MAGI3: variants seen among roughly 807,000 people sequenced by gnomAD.
MAGI3 encodes membrane-associated guanylate kinase, WW and PDZ domain-containing protein 3.
In MAGI3, 43 loss-of-function variants were observed where a neutral mutation model predicts 121.8. That is an observed-to-expected ratio of 0.35 (90% CI 0.28 to 0.46). The LOEUF (loss-of-function observed/expected upper bound fraction) is 0.46. Ranked by LOEUF, MAGI3 falls within the 20% of genes least tolerant of loss-of-function variation. The pLI is 1.00. For missense variants in MAGI3, 1,547 were observed against 1,797.3 expected (o/e 0.86, Z 2.52); for synonymous variants, 553 against 639.3 (o/e 0.86, Z 2.04).
chr1:113,504,166 A>T (rs1294134531), intron 1 of MAGI3, among the ~76,000 whole-genome samples: 5 of 152,192 alleles, frequency 3.3e-5, no homozygotes, highest in African/African-American at 1.2e-4. Flanking sequence ...ACCATCTTCT[A>T]GGGGACCCTG....
chr1:113,627,875 T>C (rs1651338904), intron 9 of MAGI3, among the ~76,000 whole-genome samples: 1 of 152,072 alleles, frequency 6.6e-6, no homozygotes, highest in African/African-American at 2.4e-5. Context: ...ATGGAATGTC[T>C]TTTTCCAGTC....
chr1:113,424,828 G>A (rs1299297703), intron 1 of MAGI3, among the ~76,000 whole-genome samples: 1 of 152,136 alleles, frequency 6.6e-6, no homozygotes, highest in Non-Finnish European at 1.5e-5. Context: ...TTCTAGAAGA[G>A]ATTAGCACGT....
At chr1:113,558,148 C>A (rs566849936) in intron 2 of MAGI3, among the ~76,000 whole-genome samples, 58 of 152,258 alleles carry the variant, frequency 3.8e-4, no homozygotes, top group Non-Finnish European at 6.5e-4. Flanking sequence ...AGCTAGGGTA[C>A]CCCCTCTCCT....
intron 12 of MAGI3, among the ~76,000 whole-genome samples, chr1:113,647,921 C>CT (rs748486198): frequency 2.1e-4 from 19 of 89,450 alleles, no homozygotes; most frequent in South Asian, 4.2e-4. Flanking sequence ...ACTGATGACT[C>CT]TTTTTTTTTT....
chr1:113,682,176 TCACATAG>T, intron 20 of MAGI3: 2 of 1,570,954 alleles, frequency 1.3e-6, no homozygotes, highest in Admixed American at 2.0e-5. Context: ...TTTTTTTTTT[TCACATAG>T]TCCTAGGCTT....
Position 113,650,873 on chromosome 1 carries a change from A to T in MAGI3, c.2248-141A>T, listed in dbSNP as rs777576693. On this transcript the variant is annotated intron_variant, in intron 13 of 20. Coordinates refer to ENST00000307546, the MANE Select transcript of MAGI3 (RefSeq NM_001142782.2). ...TTTTGGAGAATGGGCACTTTCTCAGATAATACCTTTCTAAAATATAACTGT... is the reference window on the plus strand; with the variant it reads ...TTTTGGAGAATGGGCACTTTCTCAGTTAATACCTTTCTAAAATATAACTGT... 1,010 of 714,294 alleles carry T rather than the reference A, an allele frequency of 1.4e-3. 5 individuals are homozygous for T. Among genetic ancestry groups the T allele is most frequent in the Non-Finnish European group, 1.9e-3 (843 of 435,664 alleles). The allele number at this position is 714,294 out of a possible 1,614,324, so 44.2% of individuals were successfully genotyped here. A position where few individuals can be genotyped will look rare whatever the true frequency, so the allele number is the denominator to read the frequency against.
chr1:113,601,216 C>A (rs1184678277), intron 6 of MAGI3, among the ~76,000 whole-genome samples: 1 of 151,930 alleles, frequency 6.6e-6, no homozygotes, highest in African/African-American at 2.4e-5. Context: ...CCAAAATTGA[C>A]AAATGGGATC....
chr1:113,395,383 G>T (rs1400500578), intron 1 of MAGI3, among the ~76,000 whole-genome samples: 2 of 151,478 alleles, frequency 1.3e-5, no homozygotes, highest in African/African-American at 4.8e-5. Context: ...TCAAATTTTG[G>T]TAGTTTTTTT....
intron 15 of MAGI3, among the ~76,000 whole-genome samples, chr1:113,657,242 T>C (rs978849541): frequency 6.6e-6 from 1 of 152,240 alleles, no homozygotes; most frequent in Non-Finnish European, 1.5e-5. Context: ...CCTAGCTATG[T>C]GAACTCTAAG....
In MAGI3 at chr1:113,685,327, A is replaced by G. The variant is rs1648479796; in HGVS notation, c.*1313A>G. The G allele has an allele frequency of 6.6e-6, 1 of 152,388 alleles. No individual in the cohort carries two copies. Among genetic ancestry groups the G allele is most frequent in the Admixed American group, 6.5e-5 (1 of 15,294 alleles). 9.4% of individuals were successfully genotyped at this position (152,388 alleles called of 1,614,324 possible). On this transcript the variant is annotated 3_prime_UTR_variant, in exon 21 of 21. Coordinates refer to ENST00000307546, the MANE Select transcript of MAGI3 (RefSeq NM_001142782.2). ...CCTGAAGCAGCATTCAGTAGCATCT[A>G]TATAAATAAAGGCACCTTCTGAGAA... is the stretch of plus-strand genomic sequence containing the variant.
At chr1:113,655,664 G>A (rs1040270199) in intron 15 of MAGI3, among the ~76,000 whole-genome samples, 1 of 152,048 alleles carries the variant, frequency 6.6e-6, no homozygotes, top group African/African-American at 2.4e-5. Flanking sequence ...ATTAAGTGTT[G>A]TGTTTTGTAA....
intron 6 of MAGI3, among the ~76,000 whole-genome samples, chr1:113,600,044 A>G (rs964162191): frequency 6.6e-6 from 1 of 152,204 alleles, no homozygotes; most frequent in East Asian, 1.9e-4. Flanking sequence ...AAAACTCTCA[A>G]TAAATTAGGT....
chr1:113,406,660 C>A (rs1008943250), intron 1 of MAGI3, among the ~76,000 whole-genome samples: 1 of 151,878 alleles, frequency 6.6e-6, no homozygotes, highest in Non-Finnish European at 1.5e-5. Context: ...GGCTTATAGT[C>A]CCAGCTACTC....
chr1:113,673,240 C>T (rs903962513), intron 18 of MAGI3, 82 bp from the exon 19 acceptor site: 1 of 1,463,146 alleles, frequency 6.8e-7, no homozygotes. Context: ...ATCATTTCTT[C>T]CAGCTATAGA....
At chr1:113,600,923 A>G (rs1649332799) in intron 6 of MAGI3, among the ~76,000 whole-genome samples, 1 of 152,182 alleles carries the variant, frequency 6.6e-6, no homozygotes, top group Non-Finnish European at 1.5e-5. Context: ...CCGCCTATCT[A>G]CAACTATCTG....
intron 1 of MAGI3, among the ~76,000 whole-genome samples, chr1:113,419,896 C>T (rs568723392): frequency 1.1e-4 from 17 of 152,242 alleles, no homozygotes; most frequent in African/African-American, 3.9e-4. Flanking sequence ...TGGCTCATGG[C>T]CCCTTCTTCC....
intron 1 of MAGI3, among the ~76,000 whole-genome samples, chr1:113,491,001 C>A (rs1165794821): frequency 6.6e-6 from 1 of 152,094 alleles, no homozygotes; most frequent in African/African-American, 2.4e-5. Context: ...ATATTCAGGA[C>A]CTGAACTCAG....
At position 113,638,670 on chromosome 1, in the gene MAGI3, AG is replaced by A. The variant is rs1284554392; in HGVS notation, c.1361-3237del. On this transcript the variant is annotated intron_variant, in intron 9 of 20. Coordinates refer to ENST00000307546, the MANE Select transcript of MAGI3 (RefSeq NM_001142782.2). ...GGGGTGCCTCCCAGTTAGGCTGCTC[AG>A]GGGTCAGGGGTCAGGGACCCACTTG... is the stretch of plus-strand genomic sequence containing the variant. 5.9e-5 allele frequency among the ~76,000 whole-genome samples: 9 copies of A among 152,284 alleles called. No individual in the cohort carries two copies. The East Asian group carries it at 1.7e-3, about 29-fold the overall frequency.
At chr1:113,491,502 C>T (rs1326510719) in intron 1 of MAGI3, among the ~76,000 whole-genome samples, 2 of 151,974 alleles carry the variant, frequency 1.3e-5, no homozygotes, top group African/African-American at 4.8e-5. Context: ...CCAAAGCTAG[C>T]AGGAAACAAG....
Sources: gnomAD v4.1 joint callset for allele counts (sites outside exome capture counted in the v4.1 genomes callset) on GRCh38, gnomAD v4.1.1 for gene constraint, MANE v1.5 for transcripts, NCBI Gene and HGNC (gene_info 2026-07-23, HGNC 2026-07-21) for gene names.